The following RGS3 variants were observed in gnomAD, a reference collection of about 807,000 sequenced individuals.
RGS3 encodes regulator of G-protein signalling 3.
In RGS3, 80 loss-of-function variants were observed where a neutral mutation model predicts 132.6. The ratio of observed to expected loss-of-function variants is 0.60; its 90% CI spans 0.50 to 0.73. The LOEUF (loss-of-function observed/expected upper bound fraction) is 0.73. Among genes scored for constraint, RGS3 ranks in the 30% least tolerant of loss-of-function variants. The probability of loss-of-function intolerance (pLI) is 0.00; values close to 1 mark genes in which losing one functional copy is unlikely to be tolerated. For missense variants in RGS3, 1,382 were observed against 1,530.8 expected, an observed-to-expected ratio of 0.90 and a Z score of 1.62; for synonymous variants, 598 against 620.6, an observed-to-expected ratio of 0.96 and a Z score of 0.54.
intron 4 of RGS3, 27 bp downstream of exon 2, chr9:113,479,568 C>A (rs756925551): frequency 6.2e-7 from 1 of 1,612,632 alleles, no homozygotes; most frequent in Non-Finnish European, 8.5e-7. Context: ...GCAGGCTCAC[C>A]AAGGAAGGGG....
At chr9:113,464,866 G>C (rs548551294) in intron 3 of RGS3, among the ~76,000 whole-genome samples, 1 of 152,274 alleles carries the variant, frequency 6.6e-6, no homozygotes, top group African/African-American at 2.4e-5. Context: ...TGGCTCTTCT[G>C]TTTTCAGGCT....
At chr9:113,446,942 C>T (rs1396056002) in intron 1 of RGS3, among the ~76,000 whole-genome samples, 2 of 152,054 alleles carry the variant, frequency 1.3e-5, no homozygotes, top group Non-Finnish European at 2.9e-5. Flanking sequence ...CCTAAGCTTA[C>T]CTTGGCCAGA....
chr9:113,538,479 T>C (rs1037944279), intron 19 of RGS3, among the ~76,000 whole-genome samples: 3 of 152,176 alleles, frequency 2.0e-5, no homozygotes, highest in Non-Finnish European at 4.4e-5. Flanking sequence ...AAGAGCTCTT[T>C]GTGCCTCGCT....
rs1448091029 is a variant in RGS3, at chr9:113,482,920, C to T, written c.467-139C>T. 5.9e-6 allele frequency: 9 copies of T among 1,528,098 alleles called. No individual in the cohort carries two copies. In the African/African-American group the frequency reaches 8.2e-5, roughly 14 times the overall value. The allele number at this position is 1,528,098 out of a possible 1,614,324, so 94.7% of individuals were successfully genotyped here. On this transcript the variant is annotated intron_variant, in intron 4 of 24. Coordinates refer to ENST00000350696, the Ensembl canonical transcript of RGS3. ...AAGGGCCTAGTAGCAGGGGCCATAG[C>T]CCTGCTACTCACAGATACGCTTTTC...
chr9:113,595,893 G>A, intron 24 of RGS3, 128 bp downstream of exon 22: 1 of 1,009,306 alleles, frequency 9.9e-7, no homozygotes, highest in Non-Finnish European at 1.5e-6. Context: ...CAGGTACCCA[G>A]CAGGGAAGAT....
intron 19 of RGS3, among the ~76,000 whole-genome samples, chr9:113,569,766 C>T (rs1834201402): frequency 6.6e-6 from 1 of 152,054 alleles, no homozygotes; most frequent in Admixed American, 6.5e-5. Context: ...TGGACAGTAA[C>T]AACACAGCTT....
intron 7 of RGS3, among the ~76,000 whole-genome samples, chr9:113,487,621 G>A (rs1326534341): frequency 6.6e-6 from 1 of 152,208 alleles, no homozygotes; most frequent in Non-Finnish European, 1.5e-5. Flanking sequence ...TGAAAGGACA[G>A]AAGAAAGAGC....
chr9:113,454,039 C>T (rs1829313486), intron 1 of RGS3, among the ~76,000 whole-genome samples: 1 of 151,912 alleles, frequency 6.6e-6, no homozygotes, highest in Admixed American at 6.6e-5. Flanking sequence ...GTCTCAGACT[C>T]CTGGCCTCAA....
chr9:113,517,324 A>G (rs887766146), intron 15 of RGS3: 6 of 668,792 alleles, frequency 9.0e-6, no homozygotes, highest in Admixed American at 4.1e-5. Flanking sequence ...TTGATGGGGA[A>G]GGTGGCAGCA....
chr9:113,527,046 G>A (rs192757739), intron 17 of RGS3, among the ~76,000 whole-genome samples: 9 of 152,250 alleles, frequency 5.9e-5, no homozygotes, highest in East Asian at 3.9e-4. Flanking sequence ...CCCCCATTCC[G>A]TCCTCCTCTC....
chr9:113,545,708 C>T (rs534593293), intron 19 of RGS3, among the ~76,000 whole-genome samples: 1 of 152,290 alleles, frequency 6.6e-6, no homozygotes, highest in African/African-American at 2.4e-5. Context: ...AGAATGATAA[C>T]ATAAGGTAAC....
intron 9 of RGS3, 53 bp downstream of exon 7, chr9:113,497,457 T>A: frequency 7.0e-7 from 1 of 1,437,792 alleles, no homozygotes. Flanking sequence ...CCCTCCCTCC[T>A]TTCCTGCATA....
chr9:113,569,639 T>TTCCTTCCTTCCTTCCC (rs1554780251), intron 19 of RGS3, among the ~76,000 whole-genome samples: 1 of 146,444 alleles, frequency 6.8e-6, no homozygotes, highest in Non-Finnish European at 1.5e-5. Context: ...CCTTCCTTCC[T>TTCCTTCCTTCCTTCCC]TCCCTCCTTC....
At chr9:113,523,115 G>C in intron 17 of RGS3, 74 bp downstream of exon 15, 1 of 974,524 alleles carries the variant, frequency 1.0e-6, no homozygotes, top group Non-Finnish European at 1.6e-6. Context: ...AGCCCTCTGG[G>C]ATCTGGCTGC....
intron 19 of RGS3, among the ~76,000 whole-genome samples, chr9:113,549,416 G>A (rs1238688327): frequency 1.3e-5 from 2 of 152,200 alleles, no homozygotes; most frequent in Non-Finnish European, 2.9e-5. Flanking sequence ...CACTCATGAG[G>A]CATGGGAAGG....
At chr9:113,511,999 A>G (rs968847185) in intron 14 of RGS3, among the ~76,000 whole-genome samples, 2 of 152,180 alleles carry the variant, frequency 1.3e-5, no homozygotes, top group African/African-American at 2.4e-5. Flanking sequence ...TCCCCTGACT[A>G]CTCACACTGT....
In RGS3 at chr9:113,557,604, C is replaced by T. The variant is rs532731932; in HGVS notation, c.2037+20686C>T. ...GTCTGGTCAGGCAGATCTCAGATGTCGTCTACTTCTCGGCTCATCAACCAG... is the reference window on the plus strand; with the variant it reads ...GTCTGGTCAGGCAGATCTCAGATGTTGTCTACTTCTCGGCTCATCAACCAG... On this transcript the variant is annotated intron_variant, in intron 19 of 24. Coordinates refer to ENST00000350696, the Ensembl canonical transcript of RGS3. Among the ~76,000 whole-genome samples the T allele has an allele frequency of 4.6e-5, 7 of 152,312 alleles. No individual in the cohort carries two copies. The South Asian group carries it at 8.3e-4, about 18-fold the overall frequency.
At chr9:113,489,312 C>T (rs572514102) in intron 7 of RGS3, among the ~76,000 whole-genome samples, 150 of 152,240 alleles carry the variant, frequency 9.9e-4, no homozygotes, top group African/African-American at 3.4e-3. Flanking sequence ...GGCACAGAGG[C>T]GTTACATAAC....
Position 113,472,304 on chromosome 9 carries a change from CAT to C in RGS3, c.416-7186_416-7185del, listed in dbSNP as rs1216458751. Among the ~76,000 whole-genome samples, 10 of 152,274 alleles carry C rather than the reference CAT, an allele frequency of 6.6e-5. No individual in the cohort carries two copies. In the South Asian group the frequency reaches 8.3e-4, roughly 13 times the overall value. ...GAATGAAAACACATGCTCACACAAA[CAT>C]GTGTACACACACACATGTTCATAAC... On this transcript the variant is annotated intron_variant, in intron 3 of 24. Transcript: ENST00000350696.
Sources: allele counts gnomAD v4.1 joint callset (sites outside exome capture counted in the v4.1 genomes callset), GRCh38; gene constraint gnomAD v4.1.1; transcripts MANE v1.5; gene names NCBI Gene and HGNC (gene_info 2026-07-23, HGNC 2026-07-21).